SLC22A31: variants seen among roughly 807,000 people sequenced by gnomAD.
SLC22A31 encodes the protein solute carrier family 22 member 31.
In SLC22A31, 42 loss-of-function variants were observed where a neutral mutation model predicts 27.4. That is an observed-to-expected ratio of 1.53 (90% CI 1.20 to 1.98). The LOEUF (loss-of-function observed/expected upper bound fraction) is 1.98. SLC22A31 is among the 30% of genes most tolerant of loss of function. SLC22A31 has a pLI of 0.00. For missense variants in SLC22A31, 593 were observed against 479.9 expected, an observed-to-expected ratio of 1.24 and a Z score of -2.20; for synonymous variants, 290 against 230.8, an observed-to-expected ratio of 1.26 and a Z score of -2.33.
intron 3 of SLC22A31, 102 bp from the exon 4 acceptor site, chr16:89,199,293 T>C: frequency 8.3e-7 from 1 of 1,206,430 alleles, no homozygotes; most frequent in Non-Finnish European, 1.1e-6. Context: ...AGGAGCGGGA[T>C]GCCCAAGGGA....
intron 8 of SLC22A31, among the ~76,000 whole-genome samples, chr16:89,196,627 C>T (rs2074782145): frequency 6.6e-6 from 1 of 152,250 alleles, no homozygotes; most frequent in African/African-American, 2.4e-5. Context: ...CCTCCTTCCT[C>T]TCCTGGAGCA....
At position 89,199,092 on chromosome 16, in the gene SLC22A31, A is replaced by G; in HGVS notation, c.383T>C (p.Leu128Pro). 1.3e-6 allele frequency: 2 copies of G among 1,535,650 alleles called. No individual in the cohort carries two copies. The highest frequency in any genetic ancestry group is 1.4e-5 in the African/African-American group (1 of 73,146). ...GTLLLPGLAA[L>P]VQDWRLLQGL... Reference sequence around the variant, plus strand: ...CTGCAGAAGACGCCAGTCCTGCACAAGCGCAGCCAGGCCGGGCAGCAGCAG... The same window carrying G: ...CTGCAGAAGACGCCAGTCCTGCACAGGCGCAGCCAGGCCGGGCAGCAGCAG... The change falls in exon 4 of 9, where the codon CTT becomes CCT. Residue 128 changes from leucine to proline, a missense_variant. By Grantham distance (98) the Leu-to-Pro change is moderately conservative (BLOSUM62 -3). Coordinates refer to ENST00000682282, the MANE Select transcript of SLC22A31 (RefSeq NM_001384763.1).
intron 1 of SLC22A31, 162 bp from the exon 2 acceptor site, chr16:89,199,978 C>T: frequency 2.5e-6 from 1 of 397,746 alleles, no homozygotes; most frequent in East Asian, 3.6e-5. Context: ...GGGGCTTGGT[C>T]CAGGTCACAC....
At chr16:89,201,389 G>A (rs1477156415), upstream of SLC22A31, 1 of 362,554 alleles carries the variant, frequency 2.8e-6, no homozygotes, top group African/African-American at 2.1e-5. Flanking sequence ...GCGCGGGATC[G>A]GGGTAGCGCA....
chr16:89,196,023 G>A lies in SLC22A31; in HGVS notation c.1317C>T (p.Ala439=), dbSNP rs2287353. ...ACTAGTGCTGCTCGGGGGTGTGGCC[G>A]GCCCAGTAGGAGTTGGAGGGCGGCA... The part of the protein sequence containing the change: ...PLLPPSNSYW[A]GHTPEQH Residue 439 remains alanine, a synonymous_variant, in exon 9 of 9, where the codon GCC becomes GCT. Coordinates refer to ENST00000682282, the MANE Select transcript of SLC22A31 (RefSeq NM_001384763.1). 198,276 of 1,518,914 alleles carry A rather than the reference G, an allele frequency of 0.13. 15,328 individuals carry two copies. Among genetic ancestry groups the A allele is most frequent in the Admixed American group, 0.32 (15,934 of 49,672 alleles). 94.1% of individuals were successfully genotyped at this position (1,518,914 alleles called of 1,614,324 possible). A position where few individuals can be genotyped will look rare whatever the true frequency, so the allele number is the denominator to read the frequency against.
At chr16:89,201,537 G>A (rs926865873), upstream of SLC22A31, 53 of 398,112 alleles carry the variant, frequency 1.3e-4, 1 homozygote, top group Non-Finnish European at 1.8e-4. Context: ...GGGCTGCGCG[G>A]TAAGCAGCTC....
Position 89,195,948 on chromosome 16 carries a change from C to A in SLC22A31, c.*51G>T. Reference sequence around the variant, plus strand: ...AGACGTCTGGGGTACTCAGCCATGCCCCAGGCCTTGACTTTGGTCCCATCC... The same window carrying A: ...AGACGTCTGGGGTACTCAGCCATGCACCAGGCCTTGACTTTGGTCCCATCC... On this transcript the variant is annotated 3_prime_UTR_variant, in exon 9 of 9. Transcript: ENST00000682282. The A allele has an allele frequency of 1.4e-6, 2 of 1,448,932 alleles. No homozygotes were observed. The highest frequency in any genetic ancestry group is 5.1e-5 in the Admixed American group (2 of 39,292). 89.8% of individuals were successfully genotyped at this position (1,448,932 alleles called of 1,614,324 possible). A position where few individuals can be genotyped will look rare whatever the true frequency, so the allele number is the denominator to read the frequency against.
chr16:89,195,804 G>C lies in SLC22A31; in HGVS notation c.*195C>G, dbSNP rs940660155. On this transcript the variant is annotated 3_prime_UTR_variant, in exon 9 of 9. Transcript: ENST00000682282. ...CCTCCACACCTACTGGGTGTGGCTGGGGGGAGACCCAGGGCCTCCCAGTGC... is the reference window on the plus strand; with the variant it reads ...CCTCCACACCTACTGGGTGTGGCTGCGGGGAGACCCAGGGCCTCCCAGTGC... 7 of 559,852 alleles carry C rather than the reference G, an allele frequency of 1.3e-5. No individual in the cohort carries two copies. Among genetic ancestry groups the C allele is most frequent in the East Asian group, 6.3e-5 (2 of 31,858 alleles). 34.7% of individuals were successfully genotyped at this position (559,852 alleles called of 1,614,324 possible).
chr16:89,196,567 A>G, intron 8 of SLC22A31, among the ~76,000 whole-genome samples: 1 of 152,226 alleles, frequency 6.6e-6, no homozygotes, highest in Non-Finnish European at 1.5e-5. Context: ...GCCTCCGCAC[A>G]GCCTAAGGTT....
upstream of SLC22A31, chr16:89,201,417 G>A: frequency 2.6e-6 from 1 of 377,862 alleles, no homozygotes; most frequent in Non-Finnish European, 4.7e-6. Context: ...GCAGGGGCTC[G>A]CGGCTCGCGT....
Position 89,198,541 on chromosome 16 carries a change from A to G in SLC22A31, c.608T>C (p.Met203Thr), listed in dbSNP as rs1041281934. The G allele has an allele frequency of 9.9e-5, 149 of 1,508,312 alleles. No individual in the cohort carries two copies. The highest frequency in any genetic ancestry group is 3.0e-4 in the Admixed American group (15 of 49,294). The allele number at this position is 1,508,312 out of a possible 1,614,324, so 93.4% of individuals were successfully genotyped here. The part of the protein sequence containing the change: ...EENSLATELT[M>T]LSARSPQPRY... ...GGGCTGGGGGCTCCGTGCAGACAGC[A>G]TGGTCAGCTCTGTAGCCGCAGAGAT... The change falls in exon 6 of 9, where the codon ATG becomes ACG. Residue 203 changes from methionine (M) to threonine (T), a missense_variant. By Grantham distance (81) the Met-to-Thr change is moderately conservative. Transcript: ENST00000682282.
Position 89,199,164 on chromosome 16 carries a change from C to G in SLC22A31, c.311G>C (p.Arg104Pro), listed in dbSNP as rs138088639. The change falls in exon 4 of 9, where the codon CGC becomes CCC. Residue 104 changes from arginine (R) to proline (P), a missense_variant. Physicochemically the swap from Arg to Pro is moderately radical, Grantham distance 103. Coordinates refer to ENST00000682282, the MANE Select transcript of SLC22A31 (RefSeq NM_001384763.1). ...ARLELCDPPH[R>P]LAFSMGAGLF... ...GCCAGCCCCCATGGAGAAGGCCAGG[C>G]GGTGGGGAGGGTCACACAACTCCAG... is the stretch of plus-strand genomic sequence containing the variant. 6.5e-7 allele frequency: 1 copy of G among 1,530,876 alleles called. No homozygotes were observed. The highest frequency in any genetic ancestry group is 1.2e-5 in the South Asian group (1 of 83,734). 94.8% of individuals were successfully genotyped at this position (1,530,876 alleles called of 1,614,324 possible).
Position 89,199,724 on chromosome 16 carries a change from T to C in SLC22A31, c.117A>G (p.Ala39=). The C allele has an allele frequency of 2.5e-6, 1 of 405,250 alleles. No homozygotes were observed. The highest frequency in any genetic ancestry group is 3.5e-5 in the East Asian group (1 of 28,196). 25.1% of individuals were successfully genotyped at this position (405,250 alleles called of 1,614,324 possible). A position where few individuals can be genotyped will look rare whatever the true frequency, so the allele number is the denominator to read the frequency against. The change falls in exon 2 of 9, where the codon GCA becomes GCG. Residue 39 remains alanine, a synonymous_variant. Coordinates refer to ENST00000682282, the MANE Select transcript of SLC22A31 (RefSeq NM_001384763.1). The stretch of plus-strand genomic sequence containing the variant: ...GGAAGGGGCCTCACCGGTCACAGCC[T>C]GCTCCCAGGATGACACAGCCCAGCA... ...GWLLGCVILG[A]GCDRFGRRAV...
chr16:89,201,252 G>T, upstream of SLC22A31: 1 of 366,402 alleles, frequency 2.7e-6, no homozygotes, highest in Non-Finnish European at 4.9e-6. Context: ...CAGCAGGGAC[G>T]GGGGCGCACC....
chr16:89,198,792 G>A lies in SLC22A31; in HGVS notation c.458C>T (p.Pro153Leu), dbSNP rs1173533173. 7.8e-6 allele frequency: 12 copies of A among 1,529,736 alleles called. No individual in the cohort carries two copies. Among genetic ancestry groups the A allele is most frequent in the East Asian group, 2.5e-5 (1 of 40,708 alleles). 94.8% of individuals were successfully genotyped at this position (1,529,736 alleles called of 1,614,324 possible). The change falls in exon 5 of 9, where the codon CCG becomes CTG. Residue 153 changes from proline to leucine, a missense_variant. Transcript: ENST00000682282. ...SGLLLLFWGF[P>L]ALFPESPCWL... Reference sequence around the variant, plus strand: ...GCAGGGAGACTCGGGGAACAGGGCCGGGAACCTGCAGCGTTGGTGAGGATG... The same window carrying A: ...GCAGGGAGACTCGGGGAACAGGGCCAGGAACCTGCAGCGTTGGTGAGGATG...
At chr16:89,197,741 C>G (rs1916102410) in intron 7 of SLC22A31, among the ~76,000 whole-genome samples, 1 of 152,048 alleles carries the variant, frequency 6.6e-6, no homozygotes, top group African/African-American at 2.4e-5. Flanking sequence ...GAAGCAAGGC[C>G]TGCATTTCAT....
At chr16:89,201,504 G>C (rs1597324752), upstream of SLC22A31, 2 of 396,944 alleles carry the variant, frequency 5.0e-6, no homozygotes, top group Non-Finnish European at 8.9e-6. Flanking sequence ...CAACAGCGTG[G>C]GGTCCGGTCG....
rs1227187181 is a variant in SLC22A31 at position 89,198,813 on chromosome 16, G to A, written c.453-16C>T. On this transcript the variant is annotated splice_polypyrimidine_tract_variant and intron_variant, in intron 4 of 8. Coordinates refer to ENST00000682282, the MANE Select transcript of SLC22A31 (RefSeq NM_001384763.1). The stretch of plus-strand genomic sequence containing the variant: ...GGCCGGGAACCTGCAGCGTTGGTGA[G>A]GATGCCCACGGCTCCCTCCACCTCC... 2.2e-5 allele frequency: 33 copies of A among 1,522,164 alleles called. No homozygotes were observed. The highest frequency in any genetic ancestry group is 2.9e-5 in the Non-Finnish European group (33 of 1,136,458). The allele number at this position is 1,522,164 out of a possible 1,614,324, so 94.3% of individuals were successfully genotyped here.
Position 89,198,506 on chromosome 16 carries a change from A to G in SLC22A31, c.643T>C (p.Ser215Pro), listed in dbSNP as rs759778233. 14 of 1,515,588 alleles carry G rather than the reference A, an allele frequency of 9.2e-6. No individual in the cohort carries two copies. 93.9% of individuals were successfully genotyped at this position (1,515,588 alleles called of 1,614,324 possible). ...SARSPQPRYH[S>P]PLGLLRTRVT... ...CGGGTACGCAGAAGCCCCAGTGGGGAGTGGTACCGGGGCTGGGGGCTCCGT... is the reference window on the plus strand; with the variant it reads ...CGGGTACGCAGAAGCCCCAGTGGGGGGTGGTACCGGGGCTGGGGGCTCCGT... The change falls in exon 6 of 9, where the codon TCC (serine) becomes CCC (proline). Residue 215 changes from serine to proline, a missense_variant. Physicochemically the swap from Ser to Pro is moderately conservative, Grantham distance 74. Coordinates refer to ENST00000682282, the MANE Select transcript of SLC22A31 (RefSeq NM_001384763.1).
Sources: allele counts gnomAD v4.1 joint callset (sites outside exome capture counted in the v4.1 genomes callset), GRCh38; gene constraint gnomAD v4.1.1; transcripts MANE v1.5; gene names NCBI Gene and HGNC (gene_info 2026-07-23, HGNC 2026-07-21).